ADAM17: variants seen among roughly 807,000 people sequenced by gnomAD.
ADAM17 encodes the protein ADAM metallopeptidase domain 17, also known as disintegrin and metalloproteinase domain-containing protein 17.
Under a neutral mutation model 96.7 loss-of-function variants are expected in ADAM17, and 39 were observed. The ratio of observed to expected loss-of-function variants is 0.40; its 90% CI spans 0.31 to 0.53. The LOEUF (loss-of-function observed/expected upper bound fraction) is 0.53, where lower values mean the gene tolerates loss of function less well. Ranked by LOEUF, ADAM17 falls within the 20% of genes least tolerant of loss-of-function variation. The pLI is 0.44. For synonymous variants in ADAM17, 344 were observed against 359.2 expected (o/e 0.96, Z 0.48); for missense variants, 777 against 1,013.2 (o/e 0.77, Z 3.17).
Position 9,523,344 on chromosome 2 carries a change from T to C in ADAM17, c.754-6A>G, listed in dbSNP as rs757613548. The C allele has an allele frequency of 3.7e-6, 6 of 1,604,464 alleles. No individual in the cohort carries two copies. The highest frequency in any genetic ancestry group is 5.1e-6 in the Non-Finnish European group (6 of 1,172,978). ...ACTCTGTCAATTAGCTCTATCTGTG[T>C]GTATTTAAAAAAGAAAAAAGACATT... is the stretch of plus-strand genomic sequence containing the variant. On this transcript the variant is annotated splice_polypyrimidine_tract_variant and splice_region_variant and intron_variant, in intron 6 of 18. Coordinates refer to ENST00000310823, the MANE Select transcript of ADAM17 (RefSeq NM_003183.6).
At position 9,494,424 on chromosome 2, in the gene ADAM17, G is replaced by C. The variant is rs1424126896; in HGVS notation, c.1914+213C>G. Among the ~76,000 whole-genome samples, 5 of 152,192 alleles carry C rather than the reference G, an allele frequency of 3.3e-5. No homozygotes were observed. The East Asian group carries it at 9.6e-4, about 29-fold the overall frequency. ...CCCACCCCAGTCCTTCTCAGTCTCT[G>C]GGCTCAAAGCCTCCCACCACAGAAG... On this transcript the variant is annotated intron_variant, in intron 15 of 18. Coordinates refer to ENST00000310823, the MANE Select transcript of ADAM17 (RefSeq NM_003183.6).
At chr2:9,499,113 C>CTT (rs59259119) in intron 13 of ADAM17, among the ~76,000 whole-genome samples, 2,230 of 47,384 alleles carry the variant, frequency 0.047, 57 homozygotes, top group African/African-American at 0.083. Context: ...CTTTCTTCTT[C>CTT]TTTTTTTTTT....
chr2:9,501,976 G>A (rs1663031784), intron 13 of ADAM17, among the ~76,000 whole-genome samples, 197 bp downstream of exon 13: 1 of 151,710 alleles, frequency 6.6e-6, no homozygotes, highest in South Asian at 2.1e-4. Context: ...GGAGAGTGAT[G>A]GAAATGAAAG....
intron 1 of ADAM17, 31 bp from the exon 2 acceptor site, chr2:9,543,316 C>A: frequency 6.5e-7 from 1 of 1,537,800 alleles, no homozygotes; most frequent in Non-Finnish European, 8.8e-7. Flanking sequence ...GTATTAGCAT[C>A]TAAACCTAAT....
Position 9,493,782 on chromosome 2 carries a change from C to A in ADAM17, c.1958G>T (p.Trp653Leu). The A allele has an allele frequency of 6.2e-7, 1 of 1,614,048 alleles. No individual in the cohort carries two copies. The highest frequency in any genetic ancestry group is 8.5e-7 in the Non-Finnish European group (1 of 1,179,978). The change falls in exon 16 of 19, where the codon TGG (tryptophan) becomes TTG (leucine). Residue 653 changes from tryptophan to leucine, a missense_variant. Around this residue, in one of 3 missense-constraint regions of ADAM17, gnomAD observed 197 missense variants for 219.4 expected, o/e 0.90. Coordinates refer to ENST00000310823, the MANE Select transcript of ADAM17 (RefSeq NM_003183.6). Reference sequence around the variant, plus strand: ...GATGCTCAGCTGGTCAATGAAATCCCAAAATCGTTCAATTACATCCTGTAC... The same window carrying A: ...GATGCTCAGCTGGTCAATGAAATCCAAAAATCGTTCAATTACATCCTGTAC... Reference protein sequence around the residue: ...KRVQDVIERFWDFIDQLSINT... With the variant: ...KRVQDVIERFLDFIDQLSINT...
rs200747155 is a variant in ADAM17, at chr2:9,515,619, C to T, written c.1191+2282G>A. The stretch of plus-strand genomic sequence containing the variant: ...GGGAGTGGCAGCGGGCACCTGTAAT[C>T]CCAGCTACTCAGGAGACTGAGGCAG... On this transcript the variant is annotated intron_variant, in intron 10 of 18. Transcript: ENST00000310823. Among the ~76,000 whole-genome samples, 16 of 151,886 alleles carry T rather than the reference C, an allele frequency of 1.1e-4. No individual in the cohort carries two copies. In the East Asian group the frequency reaches 3.1e-3, roughly 29 times the overall value.
intron 10 of ADAM17, chr2:9,512,395 C>T (rs1046995825): frequency 6.6e-6 from 1 of 152,098 alleles, no homozygotes; most frequent in African/African-American, 2.4e-5. Flanking sequence ...AAAGTAAAAG[C>T]GTGAGCTACT....
chr2:9,512,008 T>C (rs1315835225), intron 10 of ADAM17, among the ~76,000 whole-genome samples: 1 of 121,270 alleles, frequency 8.2e-6, no homozygotes, highest in Non-Finnish European at 2.0e-5. Flanking sequence ...TAAATATATA[T>C]ACATATAAAC....
rs140249790 is a variant in ADAM17, at chr2:9,497,316, T to C, written c.1649-68A>G. 2.8e-5 allele frequency: 44 copies of C among 1,584,758 alleles called. 1 individual carries two copies. In the African/African-American group the frequency reaches 4.8e-4, roughly 17 times the overall value. The stretch of plus-strand genomic sequence containing the variant: ...GTCCACCAGTTCTACAGGTGCATAA[T>C]ACGCTGTTTCTCATACAAGTGAGCA... On this transcript the variant is annotated intron_variant, in intron 13 of 18. Transcript: ENST00000310823.
intron 15 of ADAM17, 45 bp downstream of exon 15, chr2:9,494,592 C>T (rs1558493978): frequency 4.4e-6 from 7 of 1,603,618 alleles, no homozygotes; most frequent in Non-Finnish European, 5.1e-6. Context: ...AAAATAAAAA[C>T]TTCCTATCTG....
At chr2:9,536,573 AAAG>A in intron 3 of ADAM17, 122 bp downstream of exon 3, 1 of 1,326,344 alleles carries the variant, frequency 7.5e-7, no homozygotes, top group African/African-American at 1.5e-5. Flanking sequence ...AAGAAAAGTC[AAAG>A]AATAGCACTT....
intron 1 of ADAM17, among the ~76,000 whole-genome samples, chr2:9,550,439 C>CTT (rs35602755): frequency 5.8e-3 from 431 of 74,126 alleles, no homozygotes; most frequent in East Asian, 0.015. Flanking sequence ...GATACTCATT[C>CTT]TTTTTTTTTT....
At chr2:9,533,277 A>G (rs373713046) in intron 4 of ADAM17, among the ~76,000 whole-genome samples, 26 of 151,888 alleles carry the variant, frequency 1.7e-4, no homozygotes, top group African/African-American at 6.3e-4. Context: ...GGCCAGGCAC[A>G]GTGGCTCACG....
intron 4 of ADAM17, among the ~76,000 whole-genome samples, chr2:9,530,098 G>A (rs1664679550): frequency 6.6e-6 from 1 of 152,190 alleles, no homozygotes; most frequent in Non-Finnish European, 1.5e-5. Flanking sequence ...GGTAATCCAT[G>A]TATGAGGCAG....
At chr2:9,550,520 A>ACTG (rs1196220566) in intron 1 of ADAM17, among the ~76,000 whole-genome samples, 1 of 138,024 alleles carries the variant, frequency 7.2e-6, no homozygotes, top group Non-Finnish European at 1.5e-5. Context: ...ACCTTGGCAC[A>ACTG]CTGCAACCTC....
At chr2:9,527,668 T>C (rs1664582191) in intron 5 of ADAM17, 118 bp downstream of exon 5, 2 of 678,058 alleles carry the variant, frequency 2.9e-6, no homozygotes, top group Non-Finnish European at 4.3e-6. Flanking sequence ...CTTATTTTCA[T>C]GCCAAATACT....
In ADAM17 at chr2:9,502,320, G is replaced by T. The variant is rs766249384; in HGVS notation, c.1545-44C>A. On this transcript the variant is annotated intron_variant, in intron 12 of 18. Transcript: ENST00000310823. ...CAGGAACAGAGCAATTCAAATTATG[G>T]CCCCATATCAAATCAAACGCTACAG... is the stretch of plus-strand genomic sequence containing the variant. The T allele has an allele frequency of 1.0e-5, 15 of 1,502,882 alleles. No homozygotes were observed. In the Admixed American group the frequency reaches 1.0e-4, roughly 10 times the overall value. The allele number at this position is 1,502,882 out of a possible 1,614,324, so 93.1% of individuals were successfully genotyped here.
chr2:9,510,848 C>T (rs181112134), intron 10 of ADAM17, among the ~76,000 whole-genome samples: 4 of 151,992 alleles, frequency 2.6e-5, no homozygotes, highest in African/African-American at 4.8e-5. Flanking sequence ...GAGTAATAAC[C>T]GGACTATGAT....
chr2:9,525,741 G>T (rs1471943815), intron 6 of ADAM17, among the ~76,000 whole-genome samples: 1 of 152,024 alleles, frequency 6.6e-6, no homozygotes, highest in African/African-American at 2.4e-5. Flanking sequence ...ATAAGCAAAA[G>T]AAAAACATGG....
Sources: gnomAD v4.1 joint callset for allele counts (sites outside exome capture counted in the v4.1 genomes callset) on GRCh38, gnomAD v4.1.1 for gene constraint, gnomAD v4.1.1 regional missense constraint, MANE v1.5 for transcripts, NCBI Gene and HGNC (gene_info 2026-07-23, HGNC 2026-07-21) for gene names.